Variants in SPRED1 observed in about 807,000 individuals in gnomAD.
SPRED1 encodes the protein sprouty related EVH1 domain containing 1.
Under a neutral mutation model 52.3 loss-of-function variants are expected in SPRED1, and 18 were observed. That is an observed-to-expected ratio of 0.34 (90% CI 0.24 to 0.51). The LOEUF is 0.51. Ranked by LOEUF, SPRED1 falls within the 20% of genes least tolerant of loss-of-function variation. The pLI is 0.97. For missense variants in SPRED1, 485 were observed against 551.0 expected (o/e 0.88, Z 1.20); for synonymous variants, 155 against 179.7 (o/e 0.86, Z 1.10).
chr15:38,336,434 ATAATATTAT>A (rs1046005198), intron 4 of SPRED1, among the ~76,000 whole-genome samples: 3 of 37,686 alleles, frequency 8.0e-5, no homozygotes, highest in Non-Finnish European at 2.7e-4. Context: ...ATATATATAT[ATAATATTAT>A]ATATATGTTA....
At chr15:38,334,764 G>A (rs897968978) in intron 4 of SPRED1, among the ~76,000 whole-genome samples, 1 of 151,716 alleles carries the variant, frequency 6.6e-6, no homozygotes, top group African/African-American at 2.4e-5. Flanking sequence ...TGTTTTCTTT[G>A]ATATTTTGAT....
chr15:38,302,220 TG>T (rs1480634138), intron 2 of SPRED1, among the ~76,000 whole-genome samples: 3 of 152,156 alleles, frequency 2.0e-5, no homozygotes, highest in Non-Finnish European at 4.4e-5. Context: ...AATGAGTGTT[TG>T]TAAGTCAGAA....
At chr15:38,287,127 G>A (rs1894827908) in intron 1 of SPRED1, among the ~76,000 whole-genome samples, 1 of 152,002 alleles carries the variant, frequency 6.6e-6, no homozygotes, top group Non-Finnish European at 1.5e-5. Context: ...TGTGTAATAA[G>A]GCCTTTATTC....
chr15:38,320,915 A>C (rs920651363), intron 2 of SPRED1, among the ~76,000 whole-genome samples: 1 of 152,216 alleles, frequency 6.6e-6, no homozygotes, highest in Non-Finnish European at 1.5e-5. Flanking sequence ...AAGAGACCTT[A>C]TAACTGTCCT....
chr15:38,257,798 A>T (rs1262751642), intron 1 of SPRED1, among the ~76,000 whole-genome samples: 3 of 152,248 alleles, frequency 2.0e-5, no homozygotes, highest in Non-Finnish European at 4.4e-5. Flanking sequence ...CTAGGGATAA[A>T]GAAGTGAAAT....
chr15:38,277,226 G>A lies in SPRED1; in HGVS notation c.33-22147G>A, dbSNP rs574871108. ...ATGTACAGATTATTTCGTCACTGAG[G>A]TAATAAGCATAATACTCAATAGGTG... On this transcript the variant is annotated intron_variant, in intron 1 of 6. Transcript: ENST00000299084. Among the ~76,000 whole-genome samples the A allele has an allele frequency of 7.9e-5, 12 of 152,214 alleles. No individual in the cohort carries two copies. The South Asian group carries it at 2.5e-3, about 32-fold the overall frequency.
intron 1 of SPRED1, among the ~76,000 whole-genome samples, chr15:38,270,822 A>G (rs937842976): frequency 3.3e-5 from 5 of 152,350 alleles, no homozygotes; most frequent in East Asian, 1.9e-4. Flanking sequence ...ATGTATGTAT[A>G]TATACTAATT....
chr15:38,304,296 T>C (rs1200093422), intron 2 of SPRED1, among the ~76,000 whole-genome samples: 1 of 152,216 alleles, frequency 6.6e-6, no homozygotes, highest in Non-Finnish European at 1.5e-5. Flanking sequence ...CTCTGAATTA[T>C]TCCTTTGTGA....
At chr15:38,270,497 T>C (rs902381936) in intron 1 of SPRED1, among the ~76,000 whole-genome samples, 3 of 152,210 alleles carry the variant, frequency 2.0e-5, no homozygotes, top group African/African-American at 7.2e-5. Flanking sequence ...CTGTAGGCTA[T>C]ACAGGAAGCT....
At chr15:38,311,961 A>G (rs1895376561) in intron 2 of SPRED1, among the ~76,000 whole-genome samples, 1 of 152,068 alleles carries the variant, frequency 6.6e-6, no homozygotes, top group South Asian at 2.1e-4. Flanking sequence ...CTCTGGAGGT[A>G]GGAACTTCAA....
chr15:38,253,747 T>TA (rs1333786030), intron 1 of SPRED1, among the ~76,000 whole-genome samples: 1 of 152,152 alleles, frequency 6.6e-6, no homozygotes, highest in Admixed American at 6.5e-5. Context: ...AAGATTCTTG[T>TA]AAAAAATAGG....
At chr15:38,306,738 T>C (rs1210735302) in intron 2 of SPRED1, among the ~76,000 whole-genome samples, 1 of 152,204 alleles carries the variant, frequency 6.6e-6, no homozygotes, top group Non-Finnish European at 1.5e-5. Flanking sequence ...TTAGAAAATG[T>C]CCCAAATTAT....
intron 2 of SPRED1, among the ~76,000 whole-genome samples, chr15:38,316,058 G>A (rs1446709796): frequency 7.2e-5 from 11 of 151,922 alleles, no homozygotes; most frequent in African/African-American, 2.7e-4. Context: ...TCTTCCTTGG[G>A]AAGTGAATGT....
intron 1 of SPRED1, among the ~76,000 whole-genome samples, chr15:38,276,455 A>C (rs1461657939): frequency 1.3e-5 from 2 of 152,152 alleles, no homozygotes; most frequent in African/African-American, 4.8e-5. Context: ...ATTGTTTCAT[A>C]ATTGTAACAT....
intron 5 of SPRED1, among the ~76,000 whole-genome samples, chr15:38,347,150 T>C (rs1476156755): frequency 3.3e-5 from 5 of 152,166 alleles, no homozygotes; most frequent in African/African-American, 1.2e-4. Context: ...AAGATTTTCT[T>C]CCTAATCTAA....
intron 1 of SPRED1, among the ~76,000 whole-genome samples, chr15:38,295,599 A>G (rs1477860724): frequency 6.6e-6 from 1 of 152,188 alleles, no homozygotes; most frequent in East Asian, 1.9e-4. Context: ...AGGAGTCAAT[A>G]TTGTGCTACA....
chr15:38,265,206 C>G (rs4923785), intron 1 of SPRED1, among the ~76,000 whole-genome samples: 145,990 of 152,232 alleles, frequency 0.96, 70,272 homozygotes, highest in East Asian at 1. Flanking sequence ...CTGTCTTTGT[C>G]CTTGCCTTTT....
chr15:38,351,787 G>A lies in SPRED1; in HGVS notation c.*123G>A. ...TGGTATCATTGAGCCCACACATGGA[G>A]GAAGCAGAACTCATCAGTTCTTGGC... On this transcript the variant is annotated 3_prime_UTR_variant, in exon 7 of 7. Transcript: ENST00000299084. The A allele has an allele frequency of 8.1e-7, 1 of 1,227,014 alleles. No homozygotes were observed. Among genetic ancestry groups the A allele is most frequent in the Non-Finnish European group, 1.2e-6 (1 of 867,706 alleles). 76.0% of individuals were successfully genotyped at this position (1,227,014 alleles called of 1,614,324 possible).
chr15:38,314,135 A>G (rs1392466315), intron 2 of SPRED1, among the ~76,000 whole-genome samples: 2 of 151,872 alleles, frequency 1.3e-5, no homozygotes, highest in East Asian at 3.8e-4. Flanking sequence ...AGTGTTCCAC[A>G]TATTTTAGAA....
Sources: gnomAD v4.1 joint callset for allele counts (sites outside exome capture counted in the v4.1 genomes callset) on GRCh38, gnomAD v4.1.1 for gene constraint, MANE v1.5 for transcripts, NCBI Gene and HGNC (gene_info 2026-07-23, HGNC 2026-07-21) for gene names.